Variants in COL4A4 observed in about 807,000 individuals in gnomAD.
COL4A4 encodes collagen alpha-4(IV) chain.
A neutral mutation model predicts 192.9 loss-of-function variants in COL4A4; 105 were observed. That is an observed-to-expected ratio of 0.54 (90% CI 0.46 to 0.64). The LOEUF (loss-of-function observed/expected upper bound fraction) is 0.64. Among genes scored for constraint, COL4A4 ranks in the 30% least tolerant of loss-of-function variants. COL4A4 has a pLI of 0.00. For missense variants in COL4A4, 1,967 were observed against 2,169.3 expected, an observed-to-expected ratio of 0.91 and a Z score of 1.85; for synonymous variants, 762 against 769.9, an observed-to-expected ratio of 0.99 and a Z score of 0.17.
intron 2 of COL4A4, 110 bp from the exon 3 acceptor site, chr2:227,144,668 G>T: frequency 1.2e-6 from 1 of 867,136 alleles, no homozygotes; most frequent in South Asian, 1.4e-5. Flanking sequence ...ATTTCTATGA[G>T]GCTGCTCCTA....
intron 29 of COL4A4, among the ~76,000 whole-genome samples, chr2:227,056,522 C>T (rs1016669934): frequency 5.3e-5 from 8 of 152,180 alleles, no homozygotes; most frequent in South Asian, 2.1e-4. Context: ...ATGGCTGTAG[C>T]GGAAAGTTTT....
chr2:227,092,505 A>G (rs2059995067), intron 20 of COL4A4, among the ~76,000 whole-genome samples: 2 of 152,216 alleles, frequency 1.3e-5, no homozygotes, highest in Admixed American at 1.3e-4. Flanking sequence ...AACAACTCAA[A>G]AAGCTGCAGG....
At chr2:226,989,722 G>T in the COL4A4 span, among the ~76,000 whole-genome samples, 13 of 152,254 alleles carry the variant, frequency 8.5e-5, no homozygotes, top group South Asian at 2.7e-3. Context: ...ATTGTTAACT[G>T]GATTATGGCC....
chr2:226,970,321 C>A, the COL4A4 span, among the ~76,000 whole-genome samples: 3 of 151,866 alleles, frequency 2.0e-5, no homozygotes, highest in Non-Finnish European at 4.4e-5. Flanking sequence ...ATTTTTAGGA[C>A]AAACAGAAGA....
rs2125001104 is a variant in COL4A4, at chr2:227,118,753, T to C, written c.381A>G (p.Pro127=). Residue 127 remains proline, a synonymous_variant, in exon 7 of 48, where the codon CCA becomes CCG. Transcript: ENST00000396625. ...FPGLDGIPGH[P]GPPGPRGKPG... is the part of the protein sequence containing the mutation. ...GTTTGCCTCTGGGTCCAGGAGGCCC[T>C]GGGTGCCCCTGCAGAAAACAAAATT... 6.2e-7 allele frequency: 1 copy of C among 1,612,452 alleles called. No homozygotes were observed. Among genetic ancestry groups the C allele is most frequent in the South Asian group, 1.1e-5 (1 of 91,058 alleles).
At chr2:226,987,774 T>TA in the COL4A4 span, among the ~76,000 whole-genome samples, 1 of 152,344 alleles carries the variant, frequency 6.6e-6, no homozygotes, top group South Asian at 2.1e-4. Context: ...AGTGACTTGA[T>TA]ATATTATCTG....
intron 43 of COL4A4, among the ~76,000 whole-genome samples, chr2:227,022,893 G>A (rs1966295310): frequency 6.6e-6 from 1 of 152,124 alleles, no homozygotes; most frequent in South Asian, 2.1e-4. Flanking sequence ...TAATTAAATA[G>A]GAATTTCTGG....
At chr2:227,030,397 G>A (rs745753129) in intron 41 of COL4A4, 46 bp downstream of exon 41, 2 of 1,603,284 alleles carry the variant, frequency 1.2e-6, no homozygotes, top group South Asian at 2.2e-5. Context: ...TCAAGGGTAA[G>A]ATAACCAAGT....
intron 1 of COL4A4, among the ~76,000 whole-genome samples, chr2:227,156,639 A>G (rs2064376775): frequency 6.6e-6 from 1 of 152,186 alleles, no homozygotes; most frequent in South Asian, 2.1e-4. Flanking sequence ...GTCAGCATAA[A>G]TTCACTCTGA....
intron 16 of COL4A4, 39 bp from the exon 17 acceptor site, chr2:227,101,596 G>C: frequency 6.9e-7 from 1 of 1,441,418 alleles, no homozygotes; most frequent in Non-Finnish European, 9.7e-7. Flanking sequence ...AAAAAAAAGT[G>C]ACTGGGTGAC....
intron 20 of COL4A4, among the ~76,000 whole-genome samples, chr2:227,091,303 A>ATATAGATATAG (rs763292952): frequency 4.8e-4 from 64 of 134,218 alleles, no homozygotes; most frequent in African/African-American, 1.7e-3. Context: ...TATAGATATA[A>ATATAGATATAG]ATAGATCATG....
chr2:227,103,127 GT>G lies in COL4A4; in HGVS notation c.870+16del. On this transcript the variant is annotated intron_variant, in intron 14 of 47. Transcript: ENST00000396625. ...CATCACACAAATGAAAAAAAAAAAG[GT>G]ACTTAAATAAACTACCTTGCGTCCT... 1 of 1,595,314 alleles carries G rather than the reference GT, an allele frequency of 6.3e-7. No homozygotes were observed. Among genetic ancestry groups the G allele is most frequent in the Non-Finnish European group, 8.5e-7 (1 of 1,170,028 alleles).
chr2:227,033,526 C>T (rs765411685), intron 37 of COL4A4, 45 bp from the exon 38 acceptor site: 63 of 1,545,648 alleles, frequency 4.1e-5, no homozygotes, highest in Non-Finnish European at 5.2e-5. Context: ...GACCAGCCAC[C>T]GGTACTCACT....
intron 4 of COL4A4, 132 bp downstream of exon 4, chr2:227,140,029 A>G (rs2063093810): frequency 1.3e-6 from 1 of 758,138 alleles, no homozygotes; most frequent in South Asian, 1.5e-5. Flanking sequence ...AATGTGAAAA[A>G]CTTCGGCTGT....
chr2:227,128,981 A>G (rs939702425), intron 4 of COL4A4, among the ~76,000 whole-genome samples: 2 of 152,208 alleles, frequency 1.3e-5, no homozygotes, highest in Admixed American at 1.3e-4. Context: ...CCATGAGGTC[A>G]GAGTAGCCTT....
intron 20 of COL4A4, among the ~76,000 whole-genome samples, chr2:227,091,726 T>G (rs1414199572): frequency 1.3e-5 from 2 of 151,948 alleles, no homozygotes; most frequent in Non-Finnish European, 2.9e-5. Flanking sequence ...AAACCCTGTC[T>G]CTACTAAAAA....
rs185116180 is a variant in COL4A4, at chr2:227,056,563, G to A, written c.2546-448C>T. ...AATCTGGTTTTAATTTTTCAAGTGC[G>A]TATATTACTGCATTTGGATAAAAGC... On this transcript the variant is annotated intron_variant, in intron 29 of 47. Transcript: ENST00000396625. Among the ~76,000 whole-genome samples the A allele has an allele frequency of 4.4e-3, 663 of 152,240 alleles. 4 individuals carry two copies. Among genetic ancestry groups the A allele is most frequent in the African/African-American group, 0.015 (620 of 41,528 alleles).
the COL4A4 span, among the ~76,000 whole-genome samples, chr2:226,983,414 G>A: frequency 2.7e-3 from 407 of 152,272 alleles, 4 homozygotes; most frequent in South Asian, 0.042. Context: ...TTTATTTGCT[G>A]CTAGTCAGTC....
intron 20 of COL4A4, among the ~76,000 whole-genome samples, chr2:227,091,704 G>A (rs2059941079): frequency 6.6e-6 from 1 of 152,056 alleles, no homozygotes; most frequent in Admixed American, 6.6e-5. Context: ...GACCAGCCTG[G>A]CCAACATGGT....
Sources: allele counts gnomAD v4.1 joint callset (sites outside exome capture counted in the v4.1 genomes callset), GRCh38; gene constraint gnomAD v4.1.1; transcripts MANE v1.5; gene names NCBI Gene and HGNC (gene_info 2026-07-23, HGNC 2026-07-21).